The following ACP3 variants were observed in gnomAD, a reference collection of about 807,000 sequenced individuals.
ACP3 encodes prostatic acid phosphatase.
In ACP3, 38 loss-of-function variants were observed where a neutral mutation model predicts 45.6. That is an observed-to-expected ratio of 0.83 (90% confidence interval 0.64 to 1.09). ACP3 has a LOEUF of 1.09. Ranked by LOEUF, ACP3 falls within the 50% of genes least tolerant of loss-of-function variation. The pLI is 0.00. For synonymous variants in ACP3, 162 were observed against 164.7 expected (o/e 0.98, Z 0.13); for missense variants, 466 against 463.2 (o/e 1.01, Z -0.05).
intron 1 of ACP3, among the ~76,000 whole-genome samples, chr3:132,324,380 G>C (rs1937259629): frequency 6.6e-6 from 1 of 152,152 alleles, no homozygotes; most frequent in East Asian, 1.9e-4. Context: ...CAAACCAAAA[G>C]TCCTTTTAAA....
Position 132,328,861 on chromosome 3 carries a change from T to C in ACP3, c.216+499T>C, listed in dbSNP as rs139240366. 9.2e-5 allele frequency among the ~76,000 whole-genome samples: 14 copies of C among 152,268 alleles called. No individual in the cohort carries two copies. The East Asian group carries it at 2.7e-3, about 29-fold the overall frequency. On this transcript the variant is annotated intron_variant, in intron 2 of 9. Transcript: ENST00000336375. ...CCAAGTGGTAATCATAAGCCAGGAT[T>C]TGAATTTCTTAGGCTTCACATGAGA... is the stretch of plus-strand genomic sequence containing the variant.
rs114396638 is a variant in ACP3 at position 132,321,231 on chromosome 3, C to T, written c.120+3655C>T. Among the ~76,000 whole-genome samples, 405 of 151,852 alleles carry T rather than the reference C, an allele frequency of 2.7e-3. 2 individuals carry two copies. The highest frequency in any genetic ancestry group is 9.5e-3 in the African/African-American group (392 of 41,360). On this transcript the variant is annotated intron_variant, in intron 1 of 9. Transcript: ENST00000336375. The stretch of plus-strand genomic sequence containing the variant: ...GCAACTCACACCTGTAATCCCAGCA[C>T]TTTGGAAAGCCGAAACAGAAGGATT...
At chr3:132,359,432 C>T (rs1049688865), downstream of ACP3, among the ~76,000 whole-genome samples, 2 of 152,004 alleles carry the variant, frequency 1.3e-5, no homozygotes, top group Non-Finnish European at 2.9e-5. Context: ...GGCGTGAACC[C>T]GGGAAGCGGA....
chr3:132,335,746 G>C (rs1021736860), intron 4 of ACP3, among the ~76,000 whole-genome samples: 1 of 152,130 alleles, frequency 6.6e-6, no homozygotes, highest in Non-Finnish European at 1.5e-5. Context: ...TGCCTTCCGG[G>C]ACAGCAAGAA....
chr3:132,345,144 G>C (rs1011538531), intron 7 of ACP3, 85 bp downstream of exon 7: 3 of 1,263,946 alleles, frequency 2.4e-6, no homozygotes, highest in Non-Finnish European at 3.3e-6. Context: ...AATCAACTGT[G>C]TGATCTCAGA....
chr3:132,367,074 T>A (rs1426798963), intron 10 of ACP3, among the ~76,000 whole-genome samples: 1 of 152,206 alleles, frequency 6.6e-6, no homozygotes, highest in Non-Finnish European at 1.5e-5. Context: ...TATACTATAG[T>A]GGACTAGGGT....
At chr3:132,354,264 T>C (rs1937825294) in intron 9 of ACP3, among the ~76,000 whole-genome samples, 1 of 151,910 alleles carries the variant, frequency 6.6e-6, no homozygotes, top group Non-Finnish European at 1.5e-5. Context: ...CTGACTCTAC[T>C]CGTACCTCCC....
chr3:132,357,658 T>G lies in ACP3; in HGVS notation c.*780T>G, dbSNP rs534475776. On this transcript the variant is annotated 3_prime_UTR_variant, in exon 10 of 10. Transcript: ENST00000336375. ...TAAGTCATCTGATGAGAACAAGCTA[T>G]TTGGGCACAACACATCAGGAAAGAG... 2.0e-6 allele frequency: 2 copies of G among 985,318 alleles called. No individual in the cohort carries two copies. Among genetic ancestry groups the G allele is most frequent in the South Asian group, 9.4e-5 (2 of 21,280 alleles). The allele number at this position is 985,318 out of a possible 1,614,324, so 61.0% of individuals were successfully genotyped here. A position where few individuals can be genotyped will look rare whatever the true frequency, so the allele number is the denominator to read the frequency against.
rs1378760528 is a variant in ACP3 at position 132,340,193 on chromosome 3, TA to T, written c.556-2357del. ...AGCCAGGCGTGGTGGCAGGCGCCTG[TA>T]ATCCCAGCTACTCAGGAGGCTGAGG... On this transcript the variant is annotated intron_variant, in intron 5 of 9. Coordinates refer to ENST00000336375, the MANE Select transcript of ACP3 (RefSeq NM_001099.5). Among the ~76,000 whole-genome samples the T allele has an allele frequency of 3.3e-5, 5 of 151,698 alleles. No homozygotes were observed. The East Asian group carries it at 9.7e-4, about 29-fold the overall frequency.
At chr3:132,364,110 G>T (rs780417508) in intron 10 of ACP3, among the ~76,000 whole-genome samples, 1 of 152,134 alleles carries the variant, frequency 6.6e-6, no homozygotes, top group Non-Finnish European at 1.5e-5. Context: ...TTGAGAGTCC[G>T]AGGTGGGATA....
At chr3:132,340,093 C>A (rs1049047062) in intron 5 of ACP3, among the ~76,000 whole-genome samples, 7 of 152,248 alleles carry the variant, frequency 4.6e-5, no homozygotes, top group Middle Eastern at 3.4e-3. Flanking sequence ...GGTGGGTGAT[C>A]ACCTGAGGTC....
intron 1 of ACP3, among the ~76,000 whole-genome samples, chr3:132,322,292 A>C (rs6439353): frequency 0.016 from 2,418 of 152,242 alleles, 67 homozygotes; most frequent in African/African-American, 0.055. Context: ...TGATTGCTTC[A>C]CGGGGAGTAC....
intron 1 of ACP3, among the ~76,000 whole-genome samples, chr3:132,326,583 C>A (rs548192052): frequency 6.6e-6 from 1 of 152,196 alleles, no homozygotes; most frequent in Non-Finnish European, 1.5e-5. Context: ...ACTACTCTAC[C>A]GAAGTTTTAA....
downstream of ACP3, among the ~76,000 whole-genome samples, chr3:132,362,333 T>A (rs1407951468): frequency 6.6e-6 from 1 of 152,200 alleles, no homozygotes; most frequent in Non-Finnish European, 1.5e-5. Flanking sequence ...TTCCACTGTG[T>A]CTTGTGGACT....
Position 132,331,780 on chromosome 3 carries a change from A to G in ACP3, c.303+47A>G, listed in dbSNP as rs2285060. 1.5e-3 allele frequency: 2,150 copies of G among 1,462,558 alleles called. 45 individuals carry two copies. The East Asian group carries it at 0.04, about 27-fold the overall frequency. 90.6% of individuals were successfully genotyped at this position (1,462,558 alleles called of 1,614,324 possible). ...GGGAACTTTGATCTTTGAAATAATT[A>G]AAATAATTCTGCATATATAAAAGTG... On this transcript the variant is annotated intron_variant, in intron 3 of 9. Coordinates refer to ENST00000336375, the MANE Select transcript of ACP3 (RefSeq NM_001099.5).
chr3:132,318,042 G>A (rs1242360498), intron 1 of ACP3, among the ~76,000 whole-genome samples: 1 of 152,176 alleles, frequency 6.6e-6, no homozygotes. Context: ...AAACAACCTT[G>A]AAGCATAAAA....
chr3:132,332,864 T>C (rs1327944248), intron 4 of ACP3, among the ~76,000 whole-genome samples: 2 of 152,212 alleles, frequency 1.3e-5, no homozygotes, highest in African/African-American at 4.8e-5. Context: ...GAATGGACAA[T>C]ATTCTTGCTC....
intron 1 of ACP3, among the ~76,000 whole-genome samples, chr3:132,324,218 C>CAAA (rs35597004): frequency 1.5e-4 from 11 of 73,956 alleles, no homozygotes; most frequent in Admixed American, 3.2e-4. Context: ...GACTCCATCT[C>CAAA]AAAAAAAAAA....
In ACP3 at chr3:132,357,619, T is replaced by C. The variant is rs1289945170; in HGVS notation, c.*741T>C. 1 of 984,548 alleles carries C rather than the reference T, an allele frequency of 1.0e-6. No homozygotes were observed. The highest frequency in any genetic ancestry group is 1.2e-6 in the Non-Finnish European group (1 of 829,256). The allele number at this position is 984,548 out of a possible 1,614,324, so 61.0% of individuals were successfully genotyped here. A position where few individuals can be genotyped will look rare whatever the true frequency, so the allele number is the denominator to read the frequency against. On this transcript the variant is annotated 3_prime_UTR_variant, in exon 10 of 10. Transcript: ENST00000336375. ...TACATATAGCAGCTCTTGAAGTATATATATCATAGCAAATAAGTCATCTGA... is the reference window on the plus strand; with the variant it reads ...TACATATAGCAGCTCTTGAAGTATACATATCATAGCAAATAAGTCATCTGA...
Sources: allele counts gnomAD v4.1 joint callset (sites outside exome capture counted in the v4.1 genomes callset), GRCh38; gene constraint gnomAD v4.1.1; transcripts MANE v1.5; gene names NCBI Gene and HGNC (gene_info 2026-07-23, HGNC 2026-07-21).